The following VWF variants were observed in gnomAD, a reference collection of about 807,000 sequenced individuals.
VWF encodes von Willebrand factor.
Under a neutral mutation model 308.6 loss-of-function variants are expected in VWF, and 176 were observed. The observed-to-expected ratio is 0.57, with a 90% CI of 0.50 to 0.65. The LOEUF (loss-of-function observed/expected upper bound fraction) is 0.65, where lower values mean the gene tolerates loss of function less well. VWF is among the 30% of genes least tolerant of loss of function. VWF has a pLI of 0.00. For missense variants in VWF, 3,146 were observed against 3,648.2 expected (o/e 0.86, Z 3.55); for synonymous variants, 1,385 against 1,443.4 (o/e 0.96, Z 0.92).
At position 6,052,631 on chromosome 12, in the gene VWF, C is replaced by G. The variant is rs377672051; in HGVS notation, c.2098G>C (p.Asp700His). The G allele has an allele frequency of 1.1e-5, 17 of 1,614,134 alleles. No individual in the cohort carries two copies. Among genetic ancestry groups the G allele is most frequent in the East Asian group, 2.2e-5 (1 of 44,900 alleles). The change falls in exon 16 of 52, where the codon GAC becomes CAC. Residue 700 changes from aspartate (D) to histidine (H), a missense_variant. Physicochemically the swap from Asp to His is moderately conservative, Grantham distance 81. Around this residue, in one of 3 missense-constraint regions of VWF, gnomAD observed 1,304 missense variants for 1,353.0 expected, o/e 0.96. Coordinates refer to ENST00000261405, the MANE Select transcript of VWF (RefSeq NM_000552.5). ...GGGCACTGGGCCTTGGGCACGCAGT[C>G]CCCCCTCTCATCCATGTAGAGCCCT... ...PPGLYMDERG[D>H]CVPKAQCPCY... is the part of the protein sequence containing the mutation.
intron 20 of VWF, among the ~76,000 whole-genome samples, chr12:6,032,839 C>T (rs1379284074): frequency 1.3e-5 from 2 of 151,512 alleles, no homozygotes; most frequent in Non-Finnish European, 2.9e-5. Context: ...CGTGCTCACA[C>T]ATACACAGAT....
chr12:5,968,245 G>A (rs2090512108), intron 45 of VWF, 78 bp from the exon 46 acceptor site: 4 of 1,575,926 alleles, frequency 2.5e-6, no homozygotes, highest in Non-Finnish European at 3.5e-6. Flanking sequence ...GCTCTCTTTG[G>A]GGCTCCTCCT....
chr12:6,111,229 T>A (rs1945304738), intron 3 of VWF, among the ~76,000 whole-genome samples: 1 of 152,188 alleles, frequency 6.6e-6, no homozygotes, highest in African/African-American at 2.4e-5. Context: ...TCTAAAAGCA[T>A]GATCTTTTGC....
chr12:6,000,760 C>T (rs1338852995), intron 34 of VWF, among the ~76,000 whole-genome samples: 2 of 135,658 alleles, frequency 1.5e-5, no homozygotes, highest in Non-Finnish European at 1.5e-5. Context: ...TGCAGTGAGC[C>T]GAGATCGCGC....
At chr12:6,097,039 T>C (rs1945111833) in intron 5 of VWF, among the ~76,000 whole-genome samples, 1 of 152,206 alleles carries the variant, frequency 6.6e-6, no homozygotes, top group Non-Finnish European at 1.5e-5. Context: ...CATGTAAATA[T>C]TATCTCATAT....
chr12:5,968,101 C>T (rs1379153254), intron 46 of VWF, 26 bp downstream of exon 46: 4 of 1,613,902 alleles, frequency 2.5e-6, no homozygotes, highest in African/African-American at 1.3e-5. Context: ...CCACCACTTG[C>T]TCTGGAGAAG....
chr12:6,044,218 C>T, intron 18 of VWF, 73 bp downstream of exon 18: 1 of 1,585,320 alleles, frequency 6.3e-7, no homozygotes. Context: ...TCTCTGGCTG[C>T]ACAGCCCCCT....
chr12:6,098,203 T>G (rs1050768319), intron 5 of VWF, among the ~76,000 whole-genome samples: 1 of 152,242 alleles, frequency 6.6e-6, no homozygotes, highest in African/African-American at 2.4e-5. Context: ...GGGACAAACA[T>G]TGTTGAGTCT....
chr12:5,985,573 G>C lies in VWF; in HGVS notation c.6891C>G (p.Pro2297=), dbSNP rs1943670248. 8 of 1,613,998 alleles carry C rather than the reference G, an allele frequency of 5.0e-6. No individual in the cohort carries two copies. Among genetic ancestry groups the C allele is most frequent in the Non-Finnish European group, 6.8e-6 (8 of 1,180,034 alleles). ...RKVNCTTQPC[P]TAKAPTCGLC... is the part of the protein sequence containing the mutation. ...GGGGAGGACTCTCACCTTTGGCCGT[G>C]GGGCAGGGCTGCGTTGTGCAGTTGA... The change falls in exon 39 of 52, where the codon CCC becomes CCG. Residue 2297 remains proline, a synonymous_variant. Coordinates refer to ENST00000261405, the MANE Select transcript of VWF (RefSeq NM_000552.5).
intron 3 of VWF, among the ~76,000 whole-genome samples, chr12:6,116,178 A>G (rs990370640): frequency 2.0e-5 from 3 of 152,194 alleles, no homozygotes; most frequent in African/African-American, 4.8e-5. Flanking sequence ...AGCACTTTCT[A>G]TAACTCTTAG....
chr12:6,079,496 G>A (rs2136479500), intron 6 of VWF, among the ~76,000 whole-genome samples: 1 of 152,200 alleles, frequency 6.6e-6, no homozygotes, highest in Admixed American at 6.5e-5. Context: ...TGTAGTCCCA[G>A]CTATTCGGGA....
intron 14 of VWF, 141 bp downstream of exon 14, chr12:6,057,708 C>T: frequency 4.0e-6 from 4 of 988,896 alleles, no homozygotes; most frequent in Non-Finnish European, 4.3e-6. Flanking sequence ...CAAGTGCTGA[C>T]GGTAAAAACA....
chr12:5,992,166 T>C (rs996851142), intron 37 of VWF, 148 bp from the exon 38 acceptor site: 37 of 743,006 alleles, frequency 5.0e-5, no homozygotes, highest in Middle Eastern at 4.9e-4. Context: ...CCACCTTCCA[T>C]AGAAACAGAA....
intron 50 of VWF, 105 bp downstream of exon 50, chr12:5,951,739 G>A (rs1943192974): frequency 4.0e-6 from 5 of 1,252,110 alleles, no homozygotes; most frequent in South Asian, 2.4e-5. Context: ...TTACTCCAAA[G>A]AACAGTCATG....
intron 18 of VWF, among the ~76,000 whole-genome samples, chr12:6,041,379 G>A (rs540647285): frequency 4.2e-4 from 63 of 151,700 alleles, no homozygotes; most frequent in African/African-American, 1.4e-3. Flanking sequence ...GCAGTGAGCC[G>A]AGACCATGCC....
At chr12:6,080,505 A>C (rs1944897821) in intron 6 of VWF, among the ~76,000 whole-genome samples, 1 of 152,220 alleles carries the variant, frequency 6.6e-6, no homozygotes, top group Admixed American at 6.5e-5. Flanking sequence ...GGCAGTCTGC[A>C]CAGGGCCCTG....
intron 18 of VWF, among the ~76,000 whole-genome samples, 193 bp downstream of exon 18, chr12:6,044,098 C>A (rs11064008): frequency 6.6e-6 from 1 of 151,992 alleles, no homozygotes; most frequent in Non-Finnish European, 1.5e-5. Context: ...TTCCTAACAA[C>A]TCCCTCCCTG....
chr12:6,064,155 G>T (rs1944685923), intron 12 of VWF, 91 bp downstream of exon 12: 3 of 1,595,736 alleles, frequency 1.9e-6, no homozygotes, highest in Non-Finnish European at 2.6e-6. Context: ...AGGCATGCAG[G>T]TCCTTAAGGA....
At position 6,060,356 on chromosome 12, in the gene VWF, T is replaced by C. The variant is rs980134; in HGVS notation, c.1534-2312A>G. Among the ~76,000 whole-genome samples, 23,285 of 151,796 alleles carry C rather than the reference T, an allele frequency of 0.15. 2,642 individuals are homozygous for C. Among genetic ancestry groups the C allele is most frequent in the African/African-American group, 0.33 (13,581 of 41,358 alleles). On this transcript the variant is annotated intron_variant, in intron 13 of 51. Transcript: ENST00000261405. This position sits in a 1 kb window ranked among gnomAD's most constrained non-coding sequence, Gnocchi z 5.1. ...CAGCCCCACGGGGACAAAGCGTACA[T>C]AACACACCCAGGGGAAGGAGACCGG...
Sources: gnomAD v4.1 joint callset for allele counts (sites outside exome capture counted in the v4.1 genomes callset) on GRCh38, gnomAD v4.1.1 for gene constraint, gnomAD v4.1.1 regional missense constraint, Gnocchi (gnomAD v3.1) non-coding constraint, MANE v1.5 for transcripts, NCBI Gene and HGNC (gene_info 2026-07-23, HGNC 2026-07-21) for gene names.